AKR1C3: variants seen among roughly 807,000 people sequenced by gnomAD.
AKR1C3 encodes 3-alpha hydroxysteroid dehydrogenase, type II.
AKR1C3 carries 48 observed loss-of-function variants against 43.6 expected under a neutral mutation model. That is an observed-to-expected ratio of 1.10 (90% CI 0.87 to 1.40). AKR1C3 has a LOEUF of 1.40. AKR1C3 is among the 40% of genes most tolerant of loss of function. The probability of loss-of-function intolerance (pLI) is 0.00; values close to 1 mark genes in which losing one functional copy is unlikely to be tolerated. For synonymous variants in AKR1C3, 162 were observed against 139.6 expected (o/e 1.16, Z -1.13); for missense variants, 482 against 391.2 (o/e 1.23, Z -1.96).
chr10:5,070,006 G>T (rs1181533570), intron 1 of AKR1C3, among the ~76,000 whole-genome samples: 8 of 152,200 alleles, frequency 5.3e-5, no homozygotes, highest in African/African-American at 1.9e-4. Context: ...CTGCTAGAAA[G>T]CAGTTGTTGA....
chr10:5,104,868 G>A (rs1409725360), intron 7 of AKR1C3, among the ~76,000 whole-genome samples: 3 of 152,054 alleles, frequency 2.0e-5, no homozygotes, highest in South Asian at 2.1e-4. Context: ...ATTTTCTAAT[G>A]TGTAGAAATG....
Position 5,107,585 on chromosome 10 carries a change from A to T in AKR1C3, c.*82A>T. The T allele has an allele frequency of 9.0e-7, 1 of 1,106,344 alleles. No homozygotes were observed. The highest frequency in any genetic ancestry group is 1.4e-6 in the Non-Finnish European group (1 of 735,148). The allele number at this position is 1,106,344 out of a possible 1,614,324, so 68.5% of individuals were successfully genotyped here. ...AGGACGTCTCTATGCCGGTGACTGG[A>T]CATATCACCTCTACTTAAATCCGTC... On this transcript the variant is annotated 3_prime_UTR_variant, in exon 9 of 9. Transcript: ENST00000380554.
At chr10:5,103,542 C>T (rs1185122369) in intron 7 of AKR1C3, among the ~76,000 whole-genome samples, 9 of 152,162 alleles carry the variant, frequency 5.9e-5, no homozygotes, top group African/African-American at 2.2e-4. Context: ...TGGGCTCTCT[C>T]ATGTGTTTGC....
intron 1 of AKR1C3, among the ~76,000 whole-genome samples, chr10:5,084,795 C>A (rs1838924066): frequency 1.3e-5 from 2 of 152,258 alleles, no homozygotes; most frequent in Admixed American, 1.3e-4. Flanking sequence ...TCCTTCACAT[C>A]CCTTGTAAGT....
At chr10:5,057,433 G>A (rs528861966) in intron 1 of AKR1C3, among the ~76,000 whole-genome samples, 8 of 152,238 alleles carry the variant, frequency 5.3e-5, no homozygotes, top group South Asian at 2.1e-4. Context: ...CAGGGCCCAG[G>A]GCTTGCTTTT....
At chr10:5,093,067 C>T (rs1056345951), upstream of AKR1C3, among the ~76,000 whole-genome samples, 1 of 152,046 alleles carries the variant, frequency 6.6e-6, no homozygotes, top group East Asian at 1.9e-4. Context: ...TTAGTAGTTC[C>T]CCCAAATACC....
chr10:5,097,456 C>T lies in AKR1C3; in HGVS notation c.275C>T (p.Pro92Leu). ...TSKLWSTFHR[P>L]ELVRPALENS... ...CAGCTTTGGTCCACTTTTCATCGACCAGAGTTGGTCCGACCAGCCTTGGAA... is the reference window on the plus strand; with the variant it reads ...CAGCTTTGGTCCACTTTTCATCGACTAGAGTTGGTCCGACCAGCCTTGGAA... The change falls in exon 3 of 9, where the codon CCA becomes CTA. Residue 92 changes from proline to leucine, a missense_variant. Transcript: ENST00000380554. The T allele has an allele frequency of 6.2e-7, 1 of 1,613,660 alleles. No homozygotes were observed. The highest frequency in any genetic ancestry group is 8.5e-7 in the Non-Finnish European group (1 of 1,179,742).
intron 2 of AKR1C3, 142 bp downstream of exon 2, chr10:5,096,719 T>C: frequency 7.3e-7 from 1 of 1,370,334 alleles, no homozygotes; most frequent in Admixed American, 2.8e-5. Context: ...ATACTAAAAC[T>C]GAAATCAAAA....
chr10:5,066,927 T>C (rs1838516946), intron 1 of AKR1C3, among the ~76,000 whole-genome samples: 1 of 152,252 alleles, frequency 6.6e-6, no homozygotes, highest in South Asian at 2.1e-4. Context: ...GCTTCTCTAC[T>C]CTAAACCATG....
At position 5,105,398 on chromosome 10, in the gene AKR1C3, A is replaced by C. The variant is rs145898124; in HGVS notation, c.847-197A>C. Reference sequence around the variant, plus strand: ...GTCTGCAGAGTTGCACAGTTTCAATACATAATATCTAGGAATGGATTTCTG... The same window carrying C: ...GTCTGCAGAGTTGCACAGTTTCAATCCATAATATCTAGGAATGGATTTCTG... On this transcript the variant is annotated intron_variant, in intron 7 of 8. Transcript: ENST00000380554. 2.6e-3 allele frequency: 1,248 copies of C among 475,820 alleles called. 12 individuals are homozygous for C. Among genetic ancestry groups the C allele is most frequent in the African/African-American group, 0.022 (1,145 of 51,112 alleles). 29.5% of individuals were successfully genotyped at this position (475,820 alleles called of 1,614,324 possible).
In AKR1C3 at chr10:5,097,554, T is replaced by A; in HGVS notation, c.369+4T>A. ...TCATTCTCCAATGTCTCTAAAGGTA[T>A]GCAGTTTGTATGAGCATAAAATTGC... On this transcript the variant is annotated splice_donor_region_variant and intron_variant, in intron 3 of 8. Transcript: ENST00000380554. 1.2e-6 allele frequency: 2 copies of A among 1,613,474 alleles called. No individual in the cohort carries two copies. The highest frequency in any genetic ancestry group is 1.7e-6 in the Non-Finnish European group (2 of 1,179,490).
chr10:5,089,142 T>C (rs1839032763), intron 1 of AKR1C3, among the ~76,000 whole-genome samples: 1 of 152,036 alleles, frequency 6.6e-6, no homozygotes, highest in Non-Finnish European at 1.5e-5. Flanking sequence ...TCTTTAGAGG[T>C]GATTTGTAGC....
intron 1 of AKR1C3, among the ~76,000 whole-genome samples, chr10:5,050,189 A>G (rs536962655): frequency 1.3e-5 from 2 of 152,310 alleles, no homozygotes; most frequent in South Asian, 4.1e-4. Context: ...GTCTTTACTC[A>G]TTTCAAATCT....
chr10:5,076,857 T>C (rs1838725842), intron 1 of AKR1C3, among the ~76,000 whole-genome samples: 1 of 152,200 alleles, frequency 6.6e-6, no homozygotes, highest in Non-Finnish European at 1.5e-5. Flanking sequence ...TATTTGCACA[T>C]TCCTGTTTTA....
At position 5,094,505 on chromosome 10, in the gene AKR1C3, T is replaced by C; in HGVS notation, c.61T>C (p.Phe21Leu). The change falls in exon 1 of 9, where the codon TTT (phenylalanine) becomes CTT (leucine). Residue 21 changes from phenylalanine to leucine, a missense_variant. Physicochemically the swap from Phe to Leu is conservative, Grantham distance 22. Transcript: ENST00000380554. The stretch of plus-strand genomic sequence containing the variant: ...TGGCCACTTCATGCCTGTATTGGGA[T>C]TTGGCACCTATGCACCTCCAGAGGT... ...NDGHFMPVLG[F>L]GTYAPPEVPR... 1 of 1,612,902 alleles carries C rather than the reference T, an allele frequency of 6.2e-7. No individual in the cohort carries two copies. The highest frequency in any genetic ancestry group is 1.7e-4 in the Middle Eastern group (1 of 6,048).
intron 1 of AKR1C3, among the ~76,000 whole-genome samples, chr10:5,072,074 T>C (rs1838621423): frequency 6.6e-6 from 1 of 152,192 alleles, no homozygotes; most frequent in South Asian, 2.1e-4. Flanking sequence ...TTCTGGCTCT[T>C]ATGATTTAAT....
At chr10:5,066,496 A>G (rs1838504593) in intron 1 of AKR1C3, among the ~76,000 whole-genome samples, 1 of 152,128 alleles carries the variant, frequency 6.6e-6, no homozygotes, top group Non-Finnish European at 1.5e-5. Context: ...CCAGTCGAAG[A>G]GAGACCAAAT....
chr10:5,055,868 G>A (rs1396379054), intron 1 of AKR1C3, among the ~76,000 whole-genome samples: 2 of 152,138 alleles, frequency 1.3e-5, no homozygotes, highest in Admixed American at 6.5e-5. Context: ...ATCCATAGTC[G>A]GCAAAAGCCG....
In AKR1C3 at chr10:5,073,480, C is replaced by T. The variant is rs548761926; in HGVS notation, c.85-22930C>T. Reference sequence around the variant, plus strand: ...TAATGGAAGACATAGAACAACCCTCCCCTACACAGACTCCTCAGTGGGACA... The same window carrying T: ...TAATGGAAGACATAGAACAACCCTCTCCTACACAGACTCCTCAGTGGGACA... On this transcript the variant is annotated intron_variant, in intron 1 of 8. Transcript: ENST00000439082. Among the ~76,000 whole-genome samples the T allele has an allele frequency of 2.0e-3, 297 of 152,178 alleles. 1 individual carries two copies. The highest frequency in any genetic ancestry group is 4.8e-3 in the Admixed American group (73 of 15,276).
Sources: allele counts gnomAD v4.1 joint callset (sites outside exome capture counted in the v4.1 genomes callset), GRCh38; gene constraint gnomAD v4.1.1; transcripts MANE v1.5; gene names NCBI Gene and HGNC (gene_info 2026-07-23, HGNC 2026-07-21).